The following NCAM1 variants were observed in gnomAD, a reference collection of about 807,000 sequenced individuals.
NCAM1 encodes antigen recognized by monoclonal antibody 5.1H11.
A neutral mutation model predicts 109.8 loss-of-function variants in NCAM1; 14 were observed. The ratio of observed to expected loss-of-function variants is 0.13; its 90% CI spans 0.08 to 0.20. The LOEUF (loss-of-function observed/expected upper bound fraction) is 0.20. NCAM1 is among the 10% of genes least tolerant of loss of function. The pLI is 1.00. For missense variants in NCAM1, 774 were observed against 1,109.9 expected (o/e 0.70, Z 4.30); for synonymous variants, 418 against 442.9 (o/e 0.94, Z 0.70).
At chr11:113,208,987 A>G (rs1195991232) in intron 7 of NCAM1, among the ~76,000 whole-genome samples, 5 of 152,234 alleles carry the variant, frequency 3.3e-5, no homozygotes, top group African/African-American at 1.2e-4. Flanking sequence ...TCATAAACTC[A>G]GGAAACTTCC....
chr11:113,044,512 C>T (rs982996211), intron 1 of NCAM1, among the ~76,000 whole-genome samples: 15 of 152,058 alleles, frequency 9.9e-5, no homozygotes, highest in African/African-American at 3.6e-4. Flanking sequence ...TGGCAAAAAC[C>T]CATCTCTACT....
At chr11:113,271,369 C>CA (rs71060298) in intron 18 of NCAM1, among the ~76,000 whole-genome samples, 1,230 of 66,868 alleles carry the variant, frequency 0.018, 104 homozygotes, top group African/African-American at 0.046. Context: ...GACTCTGTCT[C>CA]AAAAAAAAAA....
chr11:113,124,703 T>G (rs1941107583), intron 1 of NCAM1, among the ~76,000 whole-genome samples: 1 of 152,188 alleles, frequency 6.6e-6, no homozygotes, highest in Non-Finnish European at 1.5e-5. Context: ...AGCAATAAGG[T>G]ATAATACGTC....
At chr11:113,082,394 A>C (rs1555087404) in intron 1 of NCAM1, among the ~76,000 whole-genome samples, 1 of 152,218 alleles carries the variant, frequency 6.6e-6, no homozygotes, top group South Asian at 2.1e-4. Flanking sequence ...GCAATAATTT[A>C]ATACAGCGCT....
At chr11:113,242,651 G>A (rs962842217) in intron 14 of NCAM1, among the ~76,000 whole-genome samples, 19 of 152,138 alleles carry the variant, frequency 1.2e-4, no homozygotes, top group Admixed American at 1.2e-3. Flanking sequence ...ATAGAGAAGA[G>A]AGAGAATACC....
In NCAM1 at chr11:112,961,446, G is replaced by A. The variant is rs782009096; in HGVS notation, c.-167G>A. The A allele has an allele frequency of 6.5e-6, 5 of 767,892 alleles. No homozygotes were observed. The highest frequency in any genetic ancestry group is 2.3e-4 in the Middle Eastern group (1 of 4,426). The allele number at this position is 767,892 out of a possible 1,614,324, so 47.6% of individuals were successfully genotyped here. ...CTCATTCTCCGATCAGCGCGTGAAC[G>A]CAGCTCGGCTGCCGCTGGCAGGAAA... is the stretch of plus-strand genomic sequence containing the variant. On this transcript the variant is annotated 5_prime_UTR_variant, in exon 1 of 20. Coordinates refer to ENST00000316851, the MANE Select transcript of NCAM1 (RefSeq NM_181351.5).
At chr11:113,206,300 C>T (rs1944236173) in intron 5 of NCAM1, 120 bp downstream of exon 5, 4 of 1,055,734 alleles carry the variant, frequency 3.8e-6, no homozygotes, top group Non-Finnish European at 1.3e-6. Context: ...AATCATCCGT[C>T]TGAGCTAAAT....
At chr11:113,066,836 T>G (rs1465576757) in intron 1 of NCAM1, among the ~76,000 whole-genome samples, 2 of 151,692 alleles carry the variant, frequency 1.3e-5, no homozygotes, top group East Asian at 3.9e-4. Flanking sequence ...CCATCTCTAC[T>G]AAAAATACGA....
At chr11:112,974,811 T>TTG (rs34881446) in intron 1 of NCAM1, among the ~76,000 whole-genome samples, 26,586 of 148,546 alleles carry the variant, frequency 0.18, 2,798 homozygotes, top group East Asian at 0.45. Context: ...AGCTTACAGT[T>TTG]TGTGTGTGTG....
chr11:113,143,309 C>CA (rs141142293), intron 1 of NCAM1, among the ~76,000 whole-genome samples: 1,791 of 152,134 alleles, frequency 0.012, 38 homozygotes, highest in African/African-American at 0.041. Context: ...GGATGATTTT[C>CA]AAAAAAATAT....
At chr11:113,071,128 A>G (rs1182963554) in intron 1 of NCAM1, among the ~76,000 whole-genome samples, 1 of 152,154 alleles carries the variant, frequency 6.6e-6, no homozygotes, top group African/African-American at 2.4e-5. Context: ...TTGGAAGAAA[A>G]AGGACAGGAA....
At position 113,278,368 on chromosome 11, in the gene NCAM1, AACTG is replaced by A. The variant is rs1555127137; in HGVS notation, c.*2983_*2986del. ...CTCACTGGTGTAAATACTGAGTACTAACTGAGAATTTTGACTTTGCATTCTGTCG... is the reference window on the plus strand; with the variant it reads ...CTCACTGGTGTAAATACTGAGTACTAAGAATTTTGACTTTGCATTCTGTCG... On this transcript the variant is annotated 3_prime_UTR_variant, in exon 20 of 20. Transcript: ENST00000316851. The A allele has an allele frequency of 2.0e-5, 3 of 152,322 alleles. No individual in the cohort carries two copies. Among genetic ancestry groups the A allele is most frequent in the Admixed American group, 2.0e-4 (3 of 15,302 alleles). The allele number at this position is 152,322 out of a possible 1,614,324, so 9.4% of individuals were successfully genotyped here.
rs1491250264 is a variant in NCAM1 at position 113,104,205 on chromosome 11, GGT to G, written c.53-98172_53-98171del. On this transcript the variant is annotated intron_variant, in intron 1 of 19. Transcript: ENST00000316851. Reference sequence around the variant, plus strand: ...TGGAGAACAGGTGAAGAGGAGGTGGGGTGGGGGGGGGGGCGGGGTGGTGGTGG... The same window carrying G: ...TGGAGAACAGGTGAAGAGGAGGTGGGGGGGGGGGGGGCGGGGTGGTGGTGG... 3.5e-3 allele frequency among the ~76,000 whole-genome samples: 396 copies of G among 112,586 alleles called. 5 individuals carry two copies. The highest frequency in any genetic ancestry group is 0.012 in the African/African-American group (369 of 30,978). The allele number at this position is 112,586 out of a possible 152,430, so 73.9% of individuals were successfully genotyped here.
intron 1 of NCAM1, among the ~76,000 whole-genome samples, chr11:113,025,895 CT>C (rs1477884994): frequency 6.6e-6 from 1 of 150,808 alleles, no homozygotes; most frequent in Non-Finnish European, 1.5e-5. Context: ...TTTATGGAAA[CT>C]TTTTTTGAGT....
rs1332464006 is a variant in NCAM1, at chr11:113,123,728, A to G, written c.53-78651A>G. On this transcript the variant is annotated intron_variant, in intron 1 of 19. Transcript: ENST00000316851. ...TGTGTTTCCTGGCTGTAGGAGATACAATGTCAACCCGGCTTTATCAAGCCA... is the reference window on the plus strand; with the variant it reads ...TGTGTTTCCTGGCTGTAGGAGATACGATGTCAACCCGGCTTTATCAAGCCA... Among the ~76,000 whole-genome samples, 3 of 152,126 alleles carry G rather than the reference A, an allele frequency of 2.0e-5. No homozygotes were observed. The South Asian group carries it at 6.2e-4, about 32-fold the overall frequency.
At chr11:113,117,788 C>T (rs554564142) in intron 1 of NCAM1, among the ~76,000 whole-genome samples, 8 of 151,962 alleles carry the variant, frequency 5.3e-5, no homozygotes, top group Non-Finnish European at 1.2e-4. Context: ...AGACACTGAC[C>T]TATGAAAGTC....
intron 1 of NCAM1, among the ~76,000 whole-genome samples, chr11:113,040,027 G>A (rs1953019799): frequency 6.6e-6 from 1 of 152,128 alleles, no homozygotes; most frequent in African/African-American, 2.4e-5. Flanking sequence ...TGTAGTCCCA[G>A]CTACTCGGGA....
intron 1 of NCAM1, among the ~76,000 whole-genome samples, chr11:112,997,853 T>G (rs1466072625): frequency 6.6e-6 from 1 of 152,082 alleles, no homozygotes; most frequent in Admixed American, 6.6e-5. Flanking sequence ...TTTCAAAGAG[T>G]ATAGTTTTGT....
In NCAM1 at chr11:112,996,546, C is replaced by T. The variant is rs374923249; in HGVS notation, c.52+34882C>T. Among the ~76,000 whole-genome samples, 34 of 152,192 alleles carry T rather than the reference C, an allele frequency of 2.2e-4. No individual in the cohort carries two copies. In the South Asian group the frequency reaches 2.9e-3, roughly 13 times the overall value. ...CATGATATAGGCATCTTGATACAAA[C>T]GATTATTTTGCTTTGGGATTATTTT... On this transcript the variant is annotated intron_variant, in intron 1 of 19. Transcript: ENST00000316851.
Sources: gnomAD v4.1 joint callset for allele counts (sites outside exome capture counted in the v4.1 genomes callset) on GRCh38, gnomAD v4.1.1 for gene constraint, MANE v1.5 for transcripts, NCBI Gene and HGNC (gene_info 2026-07-23, HGNC 2026-07-21) for gene names.